Variants in UNC93A observed in about 807,000 individuals in gnomAD.
UNC93A encodes the protein unc-93 homolog A.
Under a neutral mutation model 47.5 loss-of-function variants are expected in UNC93A, and 43 were observed. The ratio of observed to expected loss-of-function variants is 0.91; its 90% CI spans 0.71 to 1.17. UNC93A has a LOEUF of 1.17. Ranked by LOEUF, UNC93A falls within the 50% of genes most tolerant of loss-of-function variation. The pLI, the probability that UNC93A is intolerant of heterozygous loss-of-function variation, is 0.00. For missense variants in UNC93A, 605 were observed against 577.6 expected (o/e 1.05, Z -0.49); for synonymous variants, 280 against 258.0 (o/e 1.09, Z -0.82).
At position 167,275,103 on chromosome 6, in the gene UNC93A, C is replaced by A. The variant is rs1783517658; in HGVS notation, c.-52+3645C>A. On this transcript the variant is annotated intron_variant, in intron 1 of 3. Transcript: ENST00000503433. ...CTTCCATAGGAGCTGACCGTGGCAT[C>A]TGTGTTTTCAGGTGTCTGGGCAGTT... Among the ~76,000 whole-genome samples the A allele has an allele frequency of 2.0e-5, 3 of 152,160 alleles. No individual in the cohort carries two copies. The South Asian group carries it at 6.2e-4, about 32-fold the overall frequency.
intron 1 of UNC93A, among the ~76,000 whole-genome samples, chr6:167,275,338 C>T (rs927791634): frequency 1.3e-5 from 2 of 152,216 alleles, no homozygotes; most frequent in South Asian, 2.1e-4. Context: ...CGTTTGGCAA[C>T]GTGGCTTTCT....
intron 3 of UNC93A, among the ~76,000 whole-genome samples, chr6:167,296,764 T>C (rs1399572714): frequency 2.0e-5 from 3 of 152,212 alleles, no homozygotes; most frequent in Non-Finnish European, 4.4e-5. Context: ...GGTATAAATA[T>C]AAAGTGCATA....
Position 167,276,628 on chromosome 6 carries a change from C to T in UNC93A, c.-52+5170C>T, listed in dbSNP as rs142314500. On this transcript the variant is annotated intron_variant, in intron 1 of 3. Coordinates refer to the UNC93A transcript ENST00000503433. ...CCACATCCAGGAGACTTCAGAGTCC[C>T]GGGATCCCAGCTGTGCTGTGCTCCT... 4.1e-3 allele frequency among the ~76,000 whole-genome samples: 622 copies of T among 152,232 alleles called. 6 individuals are homozygous for T. Among genetic ancestry groups the T allele is most frequent in the African/African-American group, 0.014 (585 of 41,490 alleles).
intron 7 of UNC93A, among the ~76,000 whole-genome samples, chr6:167,311,216 G>T (rs1311627038): frequency 6.6e-6 from 1 of 152,140 alleles, no homozygotes; most frequent in Non-Finnish European, 1.5e-5. Context: ...TAACGACACC[G>T]AATAAAACCC....
chr6:167,287,359 T>G (rs879834771), upstream of UNC93A, among the ~76,000 whole-genome samples: 5 of 152,164 alleles, frequency 3.3e-5, no homozygotes, highest in Non-Finnish European at 5.9e-5. Flanking sequence ...AGATGGGGTG[T>G]GGATAGCGTG....
At chr6:167,273,679 G>A (rs899419076) in intron 1 of UNC93A, among the ~76,000 whole-genome samples, 56 of 152,100 alleles carry the variant, frequency 3.7e-4, no homozygotes, top group Non-Finnish European at 6.8e-4. Flanking sequence ...CATGCTATAG[G>A]GCATAAGGCA....
chr6:167,282,779 A>G (rs562787459), intron 1 of UNC93A, among the ~76,000 whole-genome samples: 1 of 152,312 alleles, frequency 6.6e-6, no homozygotes, highest in African/African-American at 2.4e-5. Flanking sequence ...TTGGTTTCAT[A>G]TGTTCTAGGG....
Position 167,315,711 on chromosome 6 carries a change from G to C in UNC93A, c.*259G>C. 2.7e-6 allele frequency: 1 copy of C among 368,664 alleles called. No homozygotes were observed. The highest frequency in any genetic ancestry group is 4.7e-6 in the Non-Finnish European group (1 of 212,198). The allele number at this position is 368,664 out of a possible 1,614,324, so 22.8% of individuals were successfully genotyped here. A position where few individuals can be genotyped will look rare whatever the true frequency, so the allele number is the denominator to read the frequency against. ...TAGATGCAAAAGAAAAAGGTCTAAC[G>C]TACAATCAGCCAATTAGAATTTGCC... On this transcript the variant is annotated 3_prime_UTR_variant, in exon 8 of 8. Transcript: ENST00000230256.
At chr6:167,297,566 A>C (rs1778122643) in intron 3 of UNC93A, among the ~76,000 whole-genome samples, 1 of 152,214 alleles carries the variant, frequency 6.6e-6, no homozygotes, top group South Asian at 2.1e-4. Flanking sequence ...TGAATCTGAA[A>C]GAGAATCCAG....
At chr6:167,300,485 G>A (rs1309756779) in intron 4 of UNC93A, among the ~76,000 whole-genome samples, 1 of 152,124 alleles carries the variant, frequency 6.6e-6, no homozygotes, top group East Asian at 1.9e-4. Context: ...GCTGGACGAG[G>A]CTCTTAGCCA....
intron 1 of UNC93A, among the ~76,000 whole-genome samples, chr6:167,282,289 G>C (rs572606923): frequency 1.3e-5 from 2 of 152,192 alleles, no homozygotes; most frequent in South Asian, 4.1e-4. Flanking sequence ...GAGAGTGGAG[G>C]CCTGCAGGGT....
At chr6:167,295,273 A>C (rs1048730182) in intron 2 of UNC93A, among the ~76,000 whole-genome samples, 11 of 152,336 alleles carry the variant, frequency 7.2e-5, no homozygotes, top group African/African-American at 2.4e-4. Flanking sequence ...CATGCTGCTG[A>C]TGATGGCTGC....
Position 167,294,675 on chromosome 6 carries a change from C to A in UNC93A, c.246C>A (p.Ser82=). Residue 82 remains serine (S), a synonymous_variant, in exon 2 of 8, where the codon TCC becomes TCA. Coordinates refer to ENST00000230256, the MANE Select transcript of UNC93A (RefSeq NM_018974.4). ...CCATGTGTGGCTACGTGGCCTTCTC[C>A]GTGGGCAACTTCTTCGCCAGCTGGT... The part of the protein sequence containing the change: ...ILSMCGYVAF[S]VGNFFASWYT... 1.2e-6 allele frequency: 2 copies of A among 1,600,922 alleles called. No individual in the cohort carries two copies. The highest frequency in any genetic ancestry group is 1.7e-6 in the Non-Finnish European group (2 of 1,170,348).
chr6:167,273,576 A>G (rs1783486869), intron 1 of UNC93A, among the ~76,000 whole-genome samples: 1 of 152,220 alleles, frequency 6.6e-6, no homozygotes, highest in Admixed American at 6.5e-5. Context: ...ATTTATTCTG[A>G]GCCAAACGTG....
chr6:167,281,510 C>G (rs550786271), intron 1 of UNC93A, among the ~76,000 whole-genome samples: 4 of 152,156 alleles, frequency 2.6e-5, no homozygotes, highest in Non-Finnish European at 5.9e-5. Flanking sequence ...GCCTGCAGGG[C>G]CCCTTGGGAA....
chr6:167,312,534 T>C (rs1778588038), intron 7 of UNC93A, among the ~76,000 whole-genome samples: 1 of 152,224 alleles, frequency 6.6e-6, no homozygotes, highest in Non-Finnish European at 1.5e-5. Context: ...ACTCTACACT[T>C]TGGGTCACCA....
intron 1 of UNC93A, among the ~76,000 whole-genome samples, chr6:167,277,054 T>G (rs58900923): frequency 0.038 from 5,734 of 152,278 alleles, 177 homozygotes; most frequent in African/African-American, 0.074. Context: ...CAGACTCCCC[T>G]GATGTGGGCT....
intron 4 of UNC93A, among the ~76,000 whole-genome samples, chr6:167,299,843 C>T (rs551970611): frequency 6.6e-6 from 1 of 152,350 alleles, no homozygotes; most frequent in Admixed American, 6.5e-5. Flanking sequence ...ACAAGACTAG[C>T]TGTGGCCCTT....
chr6:167,269,724 A>G (rs1243107027), upstream of UNC93A, among the ~76,000 whole-genome samples: 1 of 151,808 alleles, frequency 6.6e-6, no homozygotes, highest in Non-Finnish European at 1.5e-5. Context: ...CTCCTGCCTC[A>G]GCCTTCCCAG....
Sources: allele counts gnomAD v4.1 joint callset (sites outside exome capture counted in the v4.1 genomes callset), GRCh38; gene constraint gnomAD v4.1.1; transcripts MANE v1.5; gene names NCBI Gene and HGNC (gene_info 2026-07-23, HGNC 2026-07-21).